RCC1L: variants seen among roughly 807,000 people sequenced by gnomAD.
The protein encoded by RCC1L is RCC1 like.
In RCC1L, 46 loss-of-function variants were observed where a neutral mutation model predicts 58.6. That is an observed-to-expected ratio of 0.79 (90% CI 0.62 to 1.00). The LOEUF (loss-of-function observed/expected upper bound fraction) is 1.00, where lower values mean the gene tolerates loss of function less well. RCC1L is among the 50% of genes least tolerant of loss of function. The pLI, the probability that RCC1L is intolerant of heterozygous loss-of-function variation, is 0.00. For missense variants in RCC1L, 636 were observed against 623.6 expected (o/e 1.02, Z -0.21); for synonymous variants, 281 against 262.9 (o/e 1.07, Z -0.67).
intron 6 of RCC1L, 81 bp downstream of exon 6, chr7:75,061,126 C>T (rs1284692478): frequency 1.8e-6 from 2 of 1,107,144 alleles, no homozygotes; most frequent in Non-Finnish European, 2.8e-6. Context: ...GGGTTCTAGC[C>T]CATAAATGCC....
At chr7:75,030,159 C>T (rs1280876992) in intron 10 of RCC1L, among the ~76,000 whole-genome samples, 1 of 152,202 alleles carries the variant, frequency 6.6e-6, no homozygotes, top group Non-Finnish European at 1.5e-5. Context: ...ATTGGAAGTG[C>T]AGGGTGGCCT....
Position 75,058,827 on chromosome 7 carries a change from C to T in RCC1L, c.788-58G>A, listed in dbSNP as rs1024049444. On this transcript the variant is annotated intron_variant, in intron 6 of 10. Transcript: ENST00000610322. ...TTCGCTCTTTTAACAAACACATAGG[C>T]AGACTTACTATATGCCAAGTGCAGT... 329 of 1,602,444 alleles carry T rather than the reference C, an allele frequency of 2.1e-4. 2 individuals are homozygous for T. In the South Asian group the frequency reaches 3.4e-3, roughly 17 times the overall value.
Position 75,070,666 on chromosome 7 carries a change from C to T in RCC1L, c.428G>A (p.Gly143Glu). The change falls in exon 2 of 11, where the codon GGA becomes GAA. Residue 143 changes from glycine (G) to glutamate (E), a missense_variant. Transcript: ENST00000610322. Reference protein sequence around the residue: ...GMGLNKDSQLGFHRSRKDKTR... With the variant: ...GMGLNKDSQLEFHRSRKDKTR... ...TTTATCTTTCCGGCTCCTGTGAAAT[C>T]CAAGCTGAGAATCTTTGTTGAGTCC... 6.2e-7 allele frequency: 1 copy of T among 1,614,022 alleles called. No individual in the cohort carries two copies. Among genetic ancestry groups the T allele is most frequent in the Non-Finnish European group, 8.5e-7 (1 of 1,179,996 alleles).
At chr7:75,036,207 C>T (rs1045037725) in intron 10 of RCC1L, among the ~76,000 whole-genome samples, 2 of 150,502 alleles carry the variant, frequency 1.3e-5, no homozygotes, top group East Asian at 4.0e-4. Flanking sequence ...ACCTCTGCCT[C>T]CCGGGTTCAA....
intron 10 of RCC1L, among the ~76,000 whole-genome samples, chr7:75,032,888 A>G (rs1563068930): frequency 1.3e-5 from 2 of 151,816 alleles, no homozygotes; most frequent in Admixed American, 6.6e-5. Flanking sequence ...CCTGGTCAAC[A>G]TAGTGTAACC....
intron 10 of RCC1L, 80 bp from the exon 11 acceptor site, chr7:75,043,189 C>T: frequency 6.5e-7 from 1 of 1,529,932 alleles, no homozygotes; most frequent in Non-Finnish European, 9.0e-7. Context: ...CCGACCCGGC[C>T]CTGCCTCTCA....
chr7:75,033,976 C>T (rs1485028131), intron 10 of RCC1L, among the ~76,000 whole-genome samples: 1 of 152,176 alleles, frequency 6.6e-6, no homozygotes, highest in African/African-American at 2.4e-5. Flanking sequence ...TTTCAGCTGA[C>T]TCGGGCAGGG....
intron 8 of RCC1L, 128 bp from the exon 9 acceptor site, chr7:75,056,202 T>G (rs1806076859): frequency 1.8e-6 from 2 of 1,093,374 alleles, no homozygotes; most frequent in African/African-American, 1.6e-5. Flanking sequence ...TTTTGTTTTG[T>G]TTTTTTCCTC....
rs1805620521 is a variant in RCC1L at position 75,043,253 on chromosome 7, T to TTGTCTCAGC, written c.1318-145_1318-144insGCTGAGACA. The TTGTCTCAGC allele has an allele frequency of 1.1e-4, 110 of 969,230 alleles. No homozygotes were observed. The African/African-American group carries it at 1.5e-3, about 13-fold the overall frequency. 60.0% of individuals were successfully genotyped at this position (969,230 alleles called of 1,614,324 possible). ...CTCAGCAGGAGACAGCTTGTCTCAG[T>TTGTCTCAGC]AGGAGACAGCTTCTCTGAGCCTCGG... On this transcript the variant is annotated intron_variant, in intron 10 of 10. Transcript: ENST00000610322.
intron 1 of RCC1L, among the ~76,000 whole-genome samples, chr7:75,071,345 A>C (rs1302606472): frequency 6.6e-6 from 1 of 152,092 alleles, no homozygotes; most frequent in Non-Finnish European, 1.5e-5. Flanking sequence ...CACCAAGATC[A>C]AGACACTATC....
Position 75,052,278 on chromosome 7 carries a change from A to G in RCC1L, c.1317+433T>C, listed in dbSNP as rs1018328075. On this transcript the variant is annotated intron_variant, in intron 10 of 10. Coordinates refer to ENST00000610322, the MANE Select transcript of RCC1L (RefSeq NM_030798.5). ...GCTTCTAGCGTGCCAACTTCATCCA[A>G]TATCTCCCCCTCTCCGGAGCCTCAT... Among the ~76,000 whole-genome samples the G allele has an allele frequency of 2.9e-3, 437 of 152,194 alleles. 3 individuals are homozygous for G. Among genetic ancestry groups the G allele is most frequent in the African/African-American group, 0.01 (417 of 41,534 alleles).
Position 75,042,528 on chromosome 7 carries a change from A to C in RCC1L, c.*504T>G. The C allele has an allele frequency of 1.0e-6, 1 of 991,314 alleles. No individual in the cohort carries two copies. Among genetic ancestry groups the C allele is most frequent in the Non-Finnish European group, 1.2e-6 (1 of 833,158 alleles). 61.4% of individuals were successfully genotyped at this position (991,314 alleles called of 1,614,324 possible). Reference sequence around the variant, plus strand: ...CGAGCTTGCGGTGTGGCAGGCGGCCAGGAAGGGCCATGAGCAGGGTGGCCT... The same window carrying C: ...CGAGCTTGCGGTGTGGCAGGCGGCCCGGAAGGGCCATGAGCAGGGTGGCCT... On this transcript the variant is annotated 3_prime_UTR_variant, in exon 11 of 11. Transcript: ENST00000610322.
intron 10 of RCC1L, among the ~76,000 whole-genome samples, chr7:75,051,279 T>TAC (rs1238756972): frequency 5.5e-4 from 81 of 148,192 alleles, no homozygotes; most frequent in Admixed American, 2.4e-3. Context: ...CACACATATA[T>TAC]ACACACACAT....
At chr7:75,045,526 T>C (rs1276759899) in intron 10 of RCC1L, among the ~76,000 whole-genome samples, 1 of 151,934 alleles carries the variant, frequency 6.6e-6, no homozygotes, top group East Asian at 1.9e-4. Flanking sequence ...CTCTCTTTTT[T>C]TTTTTTTTGA....
In RCC1L at chr7:75,055,884, C is replaced by A. The variant is rs192310975; in HGVS notation, c.1231+17G>T. 2 of 1,613,674 alleles carry A rather than the reference C, an allele frequency of 1.2e-6. No individual in the cohort carries two copies. The highest frequency in any genetic ancestry group is 2.2e-5 in the East Asian group (1 of 44,894). On this transcript the variant is annotated intron_variant, in intron 9 of 10. Coordinates refer to ENST00000610322, the MANE Select transcript of RCC1L (RefSeq NM_030798.5). Reference sequence around the variant, plus strand: ...TCTGCTGGGCTCACACCAGGGCCACCGGGCTTGGTAACTTACTGGTCAGTG... The same window carrying A: ...TCTGCTGGGCTCACACCAGGGCCACAGGGCTTGGTAACTTACTGGTCAGTG...
chr7:75,029,137 C>A (rs1016738307), intron 10 of RCC1L, among the ~76,000 whole-genome samples: 2 of 152,280 alleles, frequency 1.3e-5, no homozygotes, highest in Non-Finnish European at 2.9e-5. Context: ...CCTGTTAAAG[C>A]CCAGGGCACT....
chr7:75,038,410 C>A (rs1306147455), downstream of RCC1L, among the ~76,000 whole-genome samples: 2 of 151,890 alleles, frequency 1.3e-5, no homozygotes, highest in African/African-American at 4.8e-5. Context: ...CGCCACCATG[C>A]ACGGTTAATT....
rs1249662349 is a variant in RCC1L, at chr7:75,049,282, C to G, written c.1317+3429G>C. On this transcript the variant is annotated intron_variant, in intron 10 of 10. Coordinates refer to ENST00000610322, the MANE Select transcript of RCC1L (RefSeq NM_030798.5). ...TTTTGTGAGGCCAAGGTGGGAAGAC[C>G]ACTTGAGGCAGAAGTTTGAGACCAG... Among the ~76,000 whole-genome samples, 3 of 149,202 alleles carry G rather than the reference C, an allele frequency of 2.0e-5. No individual in the cohort carries two copies. The East Asian group carries it at 5.8e-4, about 29-fold the overall frequency.
downstream of RCC1L, among the ~76,000 whole-genome samples, chr7:75,037,824 A>G (rs1805461425): frequency 4.6e-5 from 7 of 152,254 alleles, no homozygotes; most frequent in South Asian, 1.4e-3. Context: ...TTATCCTCTT[A>G]AACATGACCA....
Sources: gnomAD v4.1 joint callset for allele counts (sites outside exome capture counted in the v4.1 genomes callset) on GRCh38, gnomAD v4.1.1 for gene constraint, MANE v1.5 for transcripts, NCBI Gene and HGNC (gene_info 2026-07-23, HGNC 2026-07-21) for gene names.